The following GIT1 variants were observed in gnomAD, a reference collection of about 807,000 sequenced individuals.
GIT1 encodes the protein GIT ArfGAP 1.
GIT1 carries 14 observed loss-of-function variants against 91.7 expected under a neutral mutation model. The ratio of observed to expected loss-of-function variants is 0.15; its 90% CI spans 0.10 to 0.24. GIT1 has a LOEUF of 0.24. Among genes scored for constraint, GIT1 ranks in the 10% least tolerant of loss-of-function variants. The pLI is 1.00. For synonymous variants in GIT1, 414 were observed against 418.2 expected (o/e 0.99, Z 0.12); for missense variants, 717 against 1,024.9 (o/e 0.70, Z 4.10).
intron 15 of GIT1, 48 bp downstream of exon 15, chr17:29,576,030 G>A (rs1221616458): frequency 3.1e-6 from 5 of 1,598,780 alleles, no homozygotes; most frequent in Non-Finnish European, 4.3e-6. Flanking sequence ...GAACCCCCTG[G>A]GGCTCAGAAC....
At chr17:29,579,757 A>G (rs2033335982) in intron 7 of GIT1, among the ~76,000 whole-genome samples, 2 of 151,962 alleles carry the variant, frequency 1.3e-5, no homozygotes, top group South Asian at 2.1e-4. Flanking sequence ...TTTTGCATAC[A>G]TTCTTATCTA....
chr17:29,574,850 T>C lies in GIT1; in HGVS notation c.2138A>G (p.Gln713Arg). 1 of 1,602,070 alleles carries C rather than the reference T, an allele frequency of 6.2e-7. No individual in the cohort carries two copies. Among genetic ancestry groups the C allele is most frequent in the Non-Finnish European group, 8.5e-7 (1 of 1,176,686 alleles). Residue 713 changes from glutamine (Q) to arginine (R), a missense_variant, in exon 20 of 20, where the codon CAG (glutamine) becomes CGG (arginine). Transcript: ENST00000225394. Reference protein sequence around the residue: ...RLLNASAYRLQSECRKTVPPE... With the variant: ...RLLNASAYRLRSECRKTVPPE... ...GGGCACTGTCTTCCGGCACTCACTC[T>C]GCAGCCGGTAGGCGCTGGCGTTGAG...
rs569950731 is a variant in GIT1, at chr17:29,581,499, G to A, written c.719-119C>T. 8.2e-6 allele frequency: 7 copies of A among 849,110 alleles called. No individual in the cohort carries two copies. The highest frequency in any genetic ancestry group is 2.8e-5 in the South Asian group (2 of 71,996). 52.6% of individuals were successfully genotyped at this position (849,110 alleles called of 1,614,324 possible). ...CAGAAGTGTCAGGGGAAAGTGGGGAGGGCAGGCCACCCCCAAGAATGCTGG... is the reference window on the plus strand; with the variant it reads ...CAGAAGTGTCAGGGGAAAGTGGGGAAGGCAGGCCACCCCCAAGAATGCTGG... On this transcript the variant is annotated intron_variant, in intron 6 of 19. Coordinates refer to ENST00000225394, the MANE Select transcript of GIT1 (RefSeq NM_014030.4). This position sits in a 1 kb window ranked among gnomAD's most constrained non-coding sequence, Gnocchi z 4.8.
At chr17:29,585,644 A>G (rs1598579870) in intron 1 of GIT1, among the ~76,000 whole-genome samples, 1 of 152,130 alleles carries the variant, frequency 6.6e-6, no homozygotes, top group East Asian at 1.9e-4. Context: ...GGCAGCCGCT[A>G]TTGGTGTCAG....
chr17:29,583,337 C>G lies in GIT1; in HGVS notation c.186+146G>C. The G allele has an allele frequency of 5.2e-6, 4 of 764,030 alleles. No homozygotes were observed. The South Asian group carries it at 7.0e-5, about 13-fold the overall frequency. The allele number at this position is 764,030 out of a possible 1,614,324, so 47.3% of individuals were successfully genotyped here. A position where few individuals can be genotyped will look rare whatever the true frequency, so the allele number is the denominator to read the frequency against. ...AAGTGAGTAGATGGGAGGAAAGGGT[C>G]AGGATTAGCCTCTGCCCTAGGGGGG... On this transcript the variant is annotated intron_variant, in intron 2 of 19. Transcript: ENST00000225394.
Position 29,589,459 on chromosome 17 carries a change from T to C in GIT1, c.-81A>G. 2.1e-6 allele frequency: 1 copy of C among 474,300 alleles called. No individual in the cohort carries two copies. The highest frequency in any genetic ancestry group is 2.1e-5 in the African/African-American group (1 of 46,596). The allele number at this position is 474,300 out of a possible 1,614,324, so 29.4% of individuals were successfully genotyped here. On this transcript the variant is annotated 5_prime_UTR_variant, in exon 1 of 20. Transcript: ENST00000225394. This position sits in a 1 kb window ranked among gnomAD's most constrained non-coding sequence, Gnocchi z 5.2. ...GGGCCCGGGCGGCGGCGGCGGCCCCTGCTGCCCGGCCCGGCTCCGGCGAGG... is the reference window on the plus strand; with the variant it reads ...GGGCCCGGGCGGCGGCGGCGGCCCCCGCTGCCCGGCCCGGCTCCGGCGAGG...
chr17:29,588,764 G>A (rs1039707926), intron 1 of GIT1, among the ~76,000 whole-genome samples: 1 of 152,200 alleles, frequency 6.6e-6, no homozygotes, highest in Non-Finnish European at 1.5e-5. Context: ...GCTAGCCTTA[G>A]GAACCCGAGG....
chr17:29,576,858 C>A lies in GIT1; in HGVS notation c.1227+5G>T. 6.3e-7 allele frequency: 1 copy of A among 1,575,542 alleles called. No homozygotes were observed. The highest frequency in any genetic ancestry group is 8.6e-7 in the Non-Finnish European group (1 of 1,162,274). ...GGGGAGTGGGAAGGAGGGTGGGACT[C>A]AGACCCGGGCCCGGTTGCTCCGAGT... On this transcript the variant is annotated splice_donor_5th_base_variant and intron_variant, in intron 12 of 19. Transcript: ENST00000225394.
chr17:29,575,275 C>A lies in GIT1; in HGVS notation c.2009+13G>T. 6.2e-7 allele frequency: 1 copy of A among 1,604,882 alleles called. No individual in the cohort carries two copies. Among genetic ancestry groups the A allele is most frequent in the Non-Finnish European group, 8.5e-7 (1 of 1,174,760 alleles). On this transcript the variant is annotated intron_variant, in intron 18 of 19. Coordinates refer to ENST00000225394, the MANE Select transcript of GIT1 (RefSeq NM_014030.4). This position sits in a 1 kb window ranked among gnomAD's most constrained non-coding sequence, Gnocchi z 5.5. ...GGAACTGCATCCCCCTCACCTCCCC[C>A]TCCACTCAGTACCTGTCATGCTTGA...
rs1245617139 is a variant in GIT1, at chr17:29,583,612, AG to A, written c.56del (p.Pro19LeufsTer169). On this transcript the variant is annotated frameshift_variant, in exon 2 of 20. Transcript: ENST00000225394. LOFTEE classifies it high-confidence loss of function. ...EVCADCSAPD[P>X]GWASISRGVL... The stretch of plus-strand genomic sequence containing the variant: ...CACCCCTGCTGATGGATGCCCAGCC[AG>A]GGTCTGCCAGGGTGAGGGCAAGGGT... 6.3e-7 allele frequency: 1 copy of A among 1,584,528 alleles called. No homozygotes were observed. The highest frequency in any genetic ancestry group is 8.6e-7 in the Non-Finnish European group (1 of 1,167,146).
At position 29,581,775 on chromosome 17, in the gene GIT1, G is replaced by A. The variant is rs1444616024; in HGVS notation, c.685C>T (p.Arg229Trp). The A allele has an allele frequency of 2.5e-6, 4 of 1,611,912 alleles. No homozygotes were observed. The highest frequency in any genetic ancestry group is 2.5e-6 in the Non-Finnish European group (3 of 1,179,928). ...LVECQYELTD[R>W]LAFYLCGRKP... ...CGTCCACAGAGGTAGAAGGCCAGCC[G>A]GTCAGTGAGCTCATATTGGCACTCA... The change falls in exon 6 of 20, where the codon CGG becomes TGG. Residue 229 changes from arginine (R) to tryptophan (W), a missense_variant. By Grantham distance (101) the Arg-to-Trp change is moderately radical. Around this residue, in one of 3 missense-constraint regions of GIT1, gnomAD observed 271 missense variants for 451.6 expected, o/e 0.60. Coordinates refer to ENST00000225394, the MANE Select transcript of GIT1 (RefSeq NM_014030.4). The surrounding 1 kb of genome is among the most constrained non-coding windows in gnomAD (Gnocchi z 4.8).
intron 2 of GIT1, 43 bp downstream of exon 2, chr17:29,583,440 T>G: frequency 6.2e-7 from 1 of 1,600,204 alleles, no homozygotes; most frequent in South Asian, 1.1e-5. Context: ...CTCAGCACAC[T>G]CTGCCTGAGG....
At position 29,582,586 on chromosome 17, in the gene GIT1, C is replaced by T. The variant is rs80071581; in HGVS notation, c.405+112G>A. ...TCCACCCTGTCTACTGTTACCCTGACCTGGCTGCCTTTGGGGCCCAGGGCT... is the reference window on the plus strand; with the variant it reads ...TCCACCCTGTCTACTGTTACCCTGATCTGGCTGCCTTTGGGGCCCAGGGCT... On this transcript the variant is annotated intron_variant, in intron 4 of 19. Coordinates refer to ENST00000225394, the MANE Select transcript of GIT1 (RefSeq NM_014030.4). 1,044 of 734,138 alleles carry T rather than the reference C, an allele frequency of 1.4e-3. 12 individuals are homozygous for T. In the African/African-American group the frequency reaches 0.016, roughly 11 times the overall value. The allele number at this position is 734,138 out of a possible 1,614,324, so 45.5% of individuals were successfully genotyped here. A position where few individuals can be genotyped will look rare whatever the true frequency, so the allele number is the denominator to read the frequency against.
At chr17:29,588,261 G>A (rs1381356309) in intron 1 of GIT1, among the ~76,000 whole-genome samples, 1 of 152,214 alleles carries the variant, frequency 6.6e-6, no homozygotes, top group African/African-American at 2.4e-5. Context: ...CTGCCCAGGG[G>A]CCTACCAGGG....
In GIT1 at chr17:29,575,317, C is replaced by T. The variant is rs1409281787; in HGVS notation, c.1980G>A (p.Leu660=). Residue 660 remains leucine, a synonymous_variant, in exon 18 of 20, where the codon TTG becomes TTA. Coordinates refer to ENST00000225394, the MANE Select transcript of GIT1 (RefSeq NM_014030.4). The surrounding 1 kb of genome is among the most constrained non-coding windows in gnomAD (Gnocchi z 5.5). ...CATGCTTGAACTCCTGGGCTGCCCG[C>T]AACAGTTCCTGAATGTTCTTGGTGA... The part of the protein sequence containing the change: ...EQVTKNIQEL[L]RAAQEFKHDS... 6.2e-7 allele frequency: 1 copy of T among 1,613,260 alleles called. No individual in the cohort carries two copies. The highest frequency in any genetic ancestry group is 8.5e-7 in the Non-Finnish European group (1 of 1,179,826).
In GIT1 at chr17:29,575,854, G is replaced by A; in HGVS notation, c.1710C>T (p.Ser570=). 1.2e-6 allele frequency: 2 copies of A among 1,612,338 alleles called. No individual in the cohort carries two copies. The highest frequency in any genetic ancestry group is 1.7e-6 in the Non-Finnish European group (2 of 1,179,276). The change falls in exon 16 of 20, where the codon TCC becomes TCT. Residue 570 remains serine (S), a synonymous_variant. Transcript: ENST00000225394. The surrounding 1 kb of genome is among the most constrained non-coding windows in gnomAD (Gnocchi z 5.5). ...VSASAVPFTP[S]SPLLSCSQEG... Reference sequence around the variant, plus strand: ...CCTGGGAGCAGGACAGCAGCGGGGAGGAGGGAGTGAAGGGCACAGCTGAGG... The same window carrying A: ...CCTGGGAGCAGGACAGCAGCGGGGAAGAGGGAGTGAAGGGCACAGCTGAGG...
chr17:29,576,276 A>C lies in GIT1; in HGVS notation c.1555T>G (p.Phe519Val). Residue 519 changes from phenylalanine to valine, a missense_variant, in exon 14 of 20, where the codon TTT (phenylalanine) becomes GTT (valine). By Grantham distance (50) the Phe-to-Val change is conservative. Around this residue, in one of 3 missense-constraint regions of GIT1, gnomAD observed 312 missense variants for 349.5 expected, o/e 0.89. Transcript: ENST00000225394. The part of the protein sequence containing the change: ...MYEPGSALKP[F>V]GGPPGDELTT... Reference sequence around the variant, plus strand: ...AGCTCGTCCCCAGGGGGGCCCCCAAAGGGCTTCAGGGCAGAGCCAGGTTCA... The same window carrying C: ...AGCTCGTCCCCAGGGGGGCCCCCAACGGGCTTCAGGGCAGAGCCAGGTTCA... 1.2e-6 allele frequency: 2 copies of C among 1,611,544 alleles called. No individual in the cohort carries two copies. Among genetic ancestry groups the C allele is most frequent in the Non-Finnish European group, 1.7e-6 (2 of 1,178,812 alleles).
Position 29,578,303 on chromosome 17 carries a change from A to G in GIT1, c.879T>C (p.Asp293=). The part of the protein sequence containing the change: ...VYDEVDRREN[D]AVWLATQNHS... ...CACTCCTGCTCCCTGACTCACCTGC[A>G]TCATTTTCTCTTCGATCCACCTCGT... is the stretch of plus-strand genomic sequence containing the variant. Residue 293 remains aspartate (D), a synonymous_variant, in exon 9 of 20, where the codon GAT becomes GAC. Transcript: ENST00000225394. 1.9e-6 allele frequency: 3 copies of G among 1,613,438 alleles called. No individual in the cohort carries two copies. The highest frequency in any genetic ancestry group is 2.5e-6 in the Non-Finnish European group (3 of 1,179,384).
intron 10 of GIT1, 60 bp from the exon 11 acceptor site, chr17:29,577,307 G>T: frequency 7.9e-7 from 1 of 1,268,472 alleles, no homozygotes; most frequent in Non-Finnish European, 1.1e-6. Context: ...ACGCAGGACG[G>T]CAGGGACCAA....
Sources: allele counts gnomAD v4.1 joint callset (sites outside exome capture counted in the v4.1 genomes callset), GRCh38; gene constraint gnomAD v4.1.1; regional missense constraint gnomAD v4.1.1; non-coding constraint Gnocchi (gnomAD v3.1); transcripts MANE v1.5; gene names NCBI Gene and HGNC (gene_info 2026-07-23, HGNC 2026-07-21).